The following PCDH15 variants were observed in gnomAD, a reference collection of about 807,000 sequenced individuals.
The protein encoded by PCDH15 is protocadherin related 15, also known as protocadherin-15.
A neutral mutation model predicts 178.5 loss-of-function variants in PCDH15; 129 were observed. The ratio of observed to expected loss-of-function variants is 0.72; its 90% CI spans 0.63 to 0.84. The LOEUF (loss-of-function observed/expected upper bound fraction) is 0.84, where lower values mean the gene tolerates loss of function less well. Ranked by LOEUF, PCDH15 falls within the 40% of genes least tolerant of loss-of-function variation. The pLI is 0.00. For synonymous variants in PCDH15, 800 were observed against 732.0 expected (o/e 1.09, Z -1.50); for missense variants, 2,230 against 2,099.9 (o/e 1.06, Z -1.21).
At chr10:54,158,524 G>T (rs2045387269) in intron 13 of PCDH15, among the ~76,000 whole-genome samples, 1 of 152,112 alleles carries the variant, frequency 6.6e-6, no homozygotes, top group African/African-American at 2.4e-5. Flanking sequence ...TCACCCATGT[G>T]ACCACAAAAT....
At chr10:55,038,778 A>C (rs1488076797) in intron 2 of PCDH15, among the ~76,000 whole-genome samples, 1 of 152,136 alleles carries the variant, frequency 6.6e-6, no homozygotes, top group African/African-American at 2.4e-5. Flanking sequence ...ATTCACTATG[A>C]TCATCATATT....
chr10:54,963,175 C>G (rs1212545683), intron 2 of PCDH15, among the ~76,000 whole-genome samples: 1 of 152,114 alleles, frequency 6.6e-6, no homozygotes, highest in Non-Finnish European at 1.5e-5. Flanking sequence ...AGTCCCATGG[C>G]CCAGTAAATC....
intron 3 of PCDH15, among the ~76,000 whole-genome samples, chr10:54,819,861 G>C (rs1419221785): frequency 6.6e-6 from 1 of 151,958 alleles, no homozygotes; most frequent in Non-Finnish European, 1.5e-5. Flanking sequence ...TTCCTTCTCT[G>C]TGAAGAAGAA....
intron 15 of PCDH15, among the ~76,000 whole-genome samples, chr10:54,121,329 C>A (rs2095216326): frequency 6.6e-6 from 1 of 151,946 alleles, no homozygotes; most frequent in Non-Finnish European, 1.5e-5. Context: ...TAAATGCCTA[C>A]CTCAAAAAGT....
chr10:54,972,158 C>G (rs1027839269), intron 2 of PCDH15, among the ~76,000 whole-genome samples: 1 of 152,138 alleles, frequency 6.6e-6, no homozygotes, highest in Admixed American at 6.5e-5. Context: ...CAAGATACAC[C>G]AAATTATAAA....
intron 2 of PCDH15, among the ~76,000 whole-genome samples, chr10:55,030,248 C>G (rs557920820): frequency 4.6e-5 from 7 of 152,244 alleles, no homozygotes; most frequent in African/African-American, 1.7e-4. Context: ...AGGAGAACCA[C>G]AGAGCAGCCA....
chr10:54,266,056 A>G (rs1325319891), intron 8 of PCDH15, among the ~76,000 whole-genome samples: 1 of 152,038 alleles, frequency 6.6e-6, no homozygotes, highest in Non-Finnish European at 1.5e-5. Flanking sequence ...GAAATTAAAA[A>G]AAATATTAAA....
At chr10:55,142,073 G>T (rs1253304503) in intron 2 of PCDH15, among the ~76,000 whole-genome samples, 1 of 152,036 alleles carries the variant, frequency 6.6e-6, no homozygotes, top group Non-Finnish European at 1.5e-5. Flanking sequence ...TGAGATCATT[G>T]TTTGGAAACA....
At chr10:55,041,754 C>T (rs1053037554) in intron 2 of PCDH15, among the ~76,000 whole-genome samples, 2 of 152,004 alleles carry the variant, frequency 1.3e-5, no homozygotes, top group African/African-American at 4.8e-5. Flanking sequence ...TGTGGTGCCC[C>T]AATATAATTT....
intron 1 of PCDH15, among the ~76,000 whole-genome samples, chr10:55,191,344 A>T (rs747337090): frequency 6.6e-6 from 1 of 151,796 alleles, no homozygotes; most frequent in Non-Finnish European, 1.5e-5. Context: ...CTTACATGTC[A>T]CTTATCTTCA....
At chr10:54,916,348 A>C (rs886462126) in intron 2 of PCDH15, among the ~76,000 whole-genome samples, 1 of 152,286 alleles carries the variant, frequency 6.6e-6, no homozygotes, top group Admixed American at 6.5e-5. Context: ...TGACACTATC[A>C]GCTTTCTCTT....
chr10:54,883,232 C>T (rs1954295466), intron 3 of PCDH15, among the ~76,000 whole-genome samples: 1 of 152,034 alleles, frequency 6.6e-6, no homozygotes, highest in African/African-American at 2.4e-5. Context: ...AGCAGTTAAG[C>T]TTCACTTGAT....
intron 1 of PCDH15, among the ~76,000 whole-genome samples, chr10:54,682,373 A>G (rs188463105): frequency 4.6e-5 from 7 of 152,276 alleles, no homozygotes; most frequent in African/African-American, 1.7e-4. Context: ...CTTTAGCCTG[A>G]ATAACTGAGC....
rs575031170 is a variant in PCDH15 at position 53,917,411 on chromosome 10, C to T, written c.3374-14041G>A. ...ATAAAAGCATATTTATGCCCCAAAA[C>T]TAATGCTTTGTTTAAATAAAAAAAG... is the stretch of plus-strand genomic sequence containing the variant. On this transcript the variant is annotated intron_variant, in intron 25 of 37. Transcript: ENST00000644397. Among the ~76,000 whole-genome samples the T allele has an allele frequency of 1.1e-4, 17 of 152,118 alleles. No homozygotes were observed. The South Asian group carries it at 3.5e-3, about 32-fold the overall frequency.
chr10:54,297,140 C>T (rs1028392962), intron 8 of PCDH15, among the ~76,000 whole-genome samples: 8 of 152,014 alleles, frequency 5.3e-5, no homozygotes, highest in African/African-American at 1.9e-4. Flanking sequence ...TCAGCAGGGT[C>T]CAGGGGCCAC....
chr10:55,387,709 C>T (rs1837696118), intron 2 of PCDH15, among the ~76,000 whole-genome samples: 1 of 151,968 alleles, frequency 6.6e-6, no homozygotes, highest in Non-Finnish European at 1.5e-5. Context: ...AAATACAAAA[C>T]CAAAATGTTT....
In PCDH15 at chr10:54,020,378, C is replaced by A; in HGVS notation, c.2565G>T (p.Arg855=). ...DVDLGANVSY[R]IRSPEVKHFF... is the part of the protein sequence containing the mutation. Reference sequence around the variant, plus strand: ...AGTGCTTCACTTCTGGGCTTCTTATCCGGTAAGACACATTTGCTCCAAGGT... The same window carrying A: ...AGTGCTTCACTTCTGGGCTTCTTATACGGTAAGACACATTTGCTCCAAGGT... The change falls in exon 20 of 38, where the codon CGG becomes CGT. Residue 855 remains arginine, a synonymous_variant. Coordinates refer to ENST00000644397, the MANE Select transcript of PCDH15 (RefSeq NM_001384140.1). 1 of 1,613,754 alleles carries A rather than the reference C, an allele frequency of 6.2e-7. No homozygotes were observed. The highest frequency in any genetic ancestry group is 8.5e-7 in the Non-Finnish European group (1 of 1,179,772).
chr10:54,316,538 A>G (rs975721840), intron 8 of PCDH15, among the ~76,000 whole-genome samples: 1 of 44,658 alleles, frequency 2.2e-5, no homozygotes, highest in South Asian at 5.0e-4. Context: ...ATACACACAC[A>G]CACACACACA....
chr10:55,570,031 C>A (rs940408455), intron 2 of PCDH15, among the ~76,000 whole-genome samples: 2 of 151,852 alleles, frequency 1.3e-5, no homozygotes, highest in Non-Finnish European at 2.9e-5. Context: ...TAAATTGGGG[C>A]AAAATAGAGC....
Sources: gnomAD v4.1 joint callset for allele counts (sites outside exome capture counted in the v4.1 genomes callset) on GRCh38, gnomAD v4.1.1 for gene constraint, MANE v1.5 for transcripts, NCBI Gene and HGNC (gene_info 2026-07-23, HGNC 2026-07-21) for gene names.